WNT9B: variants seen among roughly 807,000 people sequenced by gnomAD.
WNT9B encodes protein Wnt-9b.
WNT9B carries 12 observed loss-of-function variants against 30.2 expected under a neutral mutation model. The observed-to-expected ratio is 0.40, with a 90% CI of 0.26 to 0.64. The LOEUF (loss-of-function observed/expected upper bound fraction) is 0.64, where lower values mean the gene tolerates loss of function less well. WNT9B is among the 30% of genes least tolerant of loss of function. The probability of loss-of-function intolerance (pLI) is 0.42; values close to 1 mark genes in which losing one functional copy is unlikely to be tolerated. For synonymous variants in WNT9B, 218 were observed against 216.9 expected (o/e 1.01, Z -0.05); for missense variants, 442 against 485.2 (o/e 0.91, Z 0.84).
In WNT9B at chr17:46,878,472, A is replaced by C. The variant is rs1261316513; in HGVS notation, c.*1754A>C. Among the ~76,000 whole-genome samples the C allele has an allele frequency of 6.6e-6, 1 of 152,138 alleles. No individual in the cohort carries two copies. The highest frequency in any genetic ancestry group is 2.4e-5 in the African/African-American group (1 of 41,424). On this transcript the variant is annotated 3_prime_UTR_variant, in exon 4 of 4. Transcript: ENST00000290015. ...TTTTGACTGCAGAGGCCCGGCTGAG[A>C]AGCCAAACTGACCTGAGCCCCTCTC... is the stretch of plus-strand genomic sequence containing the variant.
intron 1 of WNT9B, among the ~76,000 whole-genome samples, chr17:46,860,393 A>G (rs148864212): frequency 2.6e-5 from 4 of 152,302 alleles, no homozygotes; most frequent in Non-Finnish European, 5.9e-5. Flanking sequence ...TGGCATCAGC[A>G]TGAGCAGGAT....
intron 1 of WNT9B, chr17:46,833,456 G>A: frequency 2.0e-6 from 1 of 506,296 alleles, no homozygotes; most frequent in Admixed American, 2.0e-5. Flanking sequence ...TGTTAGGGAG[G>A]AAGGGACAGC....
intron 1 of WNT9B, among the ~76,000 whole-genome samples, chr17:46,857,609 G>A (rs1477875473): frequency 6.6e-6 from 1 of 152,110 alleles, no homozygotes; most frequent in African/African-American, 2.4e-5. Flanking sequence ...AACTGTCTAG[G>A]AGTGGATTGT....
At chr17:46,867,433 T>G (rs2085157884) in intron 1 of WNT9B, among the ~76,000 whole-genome samples, 1 of 152,212 alleles carries the variant, frequency 6.6e-6, no homozygotes, top group Non-Finnish European at 1.5e-5. Context: ...TGAGCTCAGT[T>G]GGTGAGGGGA....
At chr17:46,851,203 C>A (rs1205580167), upstream of WNT9B, among the ~76,000 whole-genome samples, 1 of 152,166 alleles carries the variant, frequency 6.6e-6, no homozygotes, top group Non-Finnish European at 1.5e-5. The surrounding 1 kb of genome is among the most constrained non-coding windows in gnomAD (Gnocchi z 4.3). Context: ...CCTCCTACCC[C>A]TCCACCTTCT....
At chr17:46,842,988 G>A (rs1481898386) in intron 1 of WNT9B, among the ~76,000 whole-genome samples, 1 of 152,150 alleles carries the variant, frequency 6.6e-6, no homozygotes, top group East Asian at 1.9e-4. Flanking sequence ...TAGGACCCAG[G>A]GTTCTCTCCA....
At chr17:46,849,399 G>A (rs190671607), upstream of WNT9B, among the ~76,000 whole-genome samples, 1 of 152,354 alleles carries the variant, frequency 6.6e-6, no homozygotes, top group East Asian at 1.9e-4. Context: ...GAGAACAGGA[G>A]GAGCAGCTGG....
chr17:46,868,918 G>A (rs375840047), intron 1 of WNT9B, among the ~76,000 whole-genome samples: 8 of 152,160 alleles, frequency 5.3e-5, no homozygotes, highest in African/African-American at 1.4e-4. Flanking sequence ...AGCATGTGTC[G>A]GATAATTCAC....
chr17:46,840,664 T>C (rs1160861667), intron 1 of WNT9B, among the ~76,000 whole-genome samples: 1 of 152,236 alleles, frequency 6.6e-6, no homozygotes, highest in Non-Finnish European at 1.5e-5. Context: ...CCTGCATCTG[T>C]TGTTTCCTGA....
chr17:46,852,065 G>A (rs2084857910), intron 1 of WNT9B, among the ~76,000 whole-genome samples: 1 of 152,212 alleles, frequency 6.6e-6, no homozygotes, highest in Admixed American at 6.5e-5. Context: ...GCTCTCTGAT[G>A]CCCTCTCGGG....
rs114179000 is a variant in WNT9B at position 46,867,769 on chromosome 17, T to C, written c.78-4748T>C. ...AGGAGGATCAGAAGAGATCTGAGGGTGAGAGTGTGTGAGATGAAGCCCTGA... is the reference window on the plus strand; with the variant it reads ...AGGAGGATCAGAAGAGATCTGAGGGCGAGAGTGTGTGAGATGAAGCCCTGA... On this transcript the variant is annotated intron_variant, in intron 1 of 3. Transcript: ENST00000290015. 4.5e-3 allele frequency among the ~76,000 whole-genome samples: 687 copies of C among 151,906 alleles called. 6 individuals are homozygous for C. Among genetic ancestry groups the C allele is most frequent in the African/African-American group, 0.016 (646 of 41,386 alleles).
chr17:46,883,557 T>C (rs1259766149), downstream of WNT9B, among the ~76,000 whole-genome samples: 5 of 152,244 alleles, frequency 3.3e-5, no homozygotes, highest in Admixed American at 3.3e-4. Flanking sequence ...AGTGCTGGGA[T>C]TACAGGCGTG....
intron 1 of WNT9B, chr17:46,833,579 C>T (rs777241210): frequency 3.4e-5 from 13 of 379,802 alleles, no homozygotes; most frequent in Non-Finnish European, 6.8e-5. Flanking sequence ...GTCTCCTGCT[C>T]AGTGTGGTGG....
At chr17:46,882,417 T>A (rs979907146), downstream of WNT9B, among the ~76,000 whole-genome samples, 1 of 152,174 alleles carries the variant, frequency 6.6e-6, no homozygotes, top group African/African-American at 2.4e-5. Flanking sequence ...GCTGCTTGGG[T>A]GATGTGTATC....
downstream of WNT9B, among the ~76,000 whole-genome samples, chr17:46,881,459 T>C (rs561232204): frequency 1.4e-4 from 21 of 152,352 alleles, no homozygotes; most frequent in African/African-American, 3.4e-4. Flanking sequence ...CTTCTTTTTT[T>C]ACAGATAGGG....
intron 1 of WNT9B, among the ~76,000 whole-genome samples, chr17:46,845,414 C>T (rs566890928): frequency 6.6e-6 from 1 of 151,662 alleles, no homozygotes; most frequent in South Asian, 2.1e-4. Context: ...AGTGCCCAAA[C>T]AGAGCTTGGA....
chr17:46,849,849 C>CTTTTTTTT (rs761797393), upstream of WNT9B, among the ~76,000 whole-genome samples: 7 of 145,750 alleles, frequency 4.8e-5, 1 homozygote, highest in Non-Finnish European at 7.5e-5. Flanking sequence ...CATTTAATAT[C>CTTTTTTTT]TTTTTTTTTT....
At chr17:46,862,632 G>A (rs1293173286) in intron 1 of WNT9B, among the ~76,000 whole-genome samples, 2 of 152,108 alleles carry the variant, frequency 1.3e-5, no homozygotes, top group Non-Finnish European at 2.9e-5. Flanking sequence ...GCCCAGGCTG[G>A]AGTGCAGTGG....
rs1180462320 is a variant in WNT9B at position 46,878,405 on chromosome 17, G to A, written c.*1687G>A. The stretch of plus-strand genomic sequence containing the variant: ...TCCAAGGGCGAGGAGGAGCTGCCCA[G>A]TCTCCAGTGGATCAGGGCAGTCTGC... On this transcript the variant is annotated 3_prime_UTR_variant, in exon 4 of 4. Coordinates refer to ENST00000290015, the MANE Select transcript of WNT9B (RefSeq NM_003396.3). Among the ~76,000 whole-genome samples the A allele has an allele frequency of 6.6e-6, 1 of 152,212 alleles. No homozygotes were observed. Among genetic ancestry groups the A allele is most frequent in the Non-Finnish European group, 1.5e-5 (1 of 68,030 alleles).
Sources: allele counts gnomAD v4.1 joint callset (sites outside exome capture counted in the v4.1 genomes callset), GRCh38; gene constraint gnomAD v4.1.1; non-coding constraint Gnocchi (gnomAD v3.1); transcripts MANE v1.5; gene names NCBI Gene and HGNC (gene_info 2026-07-23, HGNC 2026-07-21).